The following PCDHA2 variants were observed in gnomAD, a reference collection of about 807,000 sequenced individuals.
The protein encoded by PCDHA2 is protocadherin alpha 2.
A neutral mutation model predicts 66.0 loss-of-function variants in PCDHA2; 58 were observed. That is an observed-to-expected ratio of 0.88 (90% confidence interval 0.71 to 1.09). PCDHA2 has a LOEUF of 1.09. Among genes scored for constraint, PCDHA2 ranks in the 50% least tolerant of loss-of-function variants. The probability of loss-of-function intolerance (pLI) is 0.00; values close to 1 mark genes in which losing one functional copy is unlikely to be tolerated. For missense variants in PCDHA2, 1,267 were observed against 1,242.3 expected (o/e 1.02, Z -0.30); for synonymous variants, 634 against 554.0 (o/e 1.14, Z -2.03).
At position 140,796,158 on chromosome 5, in the gene PCDHA2, G is replaced by C; in HGVS notation, c.1194G>C (p.Val398=). ...CGCCCCACGTCCCTTTCAAGCTGGTGTCCACCTTCAAGAATTACTACTCGT... is the reference window on the plus strand; with the variant it reads ...CGCCCCACGTCCCTTTCAAGCTGGTCTCCACCTTCAAGAATTACTACTCGT... The part of the protein sequence containing the change: ...SLTPHVPFKL[V]STFKNYYSLV... Residue 398 remains valine (V), a synonymous_variant, in exon 1 of 4, where the codon GTG becomes GTC. Coordinates refer to ENST00000526136, the MANE Select transcript of PCDHA2 (RefSeq NM_018905.3). 1 of 1,614,208 alleles carries C rather than the reference G, an allele frequency of 6.2e-7. No individual in the cohort carries two copies. The highest frequency in any genetic ancestry group is 8.5e-7 in the Non-Finnish European group (1 of 1,180,038).
intron 2 of PCDHA2, among the ~76,000 whole-genome samples, chr5:140,981,681 C>T (rs1187108666): frequency 6.6e-6 from 1 of 152,064 alleles, no homozygotes; most frequent in Non-Finnish European, 1.5e-5. Context: ...TTCCTTCCTC[C>T]CTTCCATCAT....
intron 1 of PCDHA2, among the ~76,000 whole-genome samples, chr5:140,937,626 A>G (rs2091639486): frequency 6.6e-6 from 1 of 150,782 alleles, no homozygotes; most frequent in Non-Finnish European, 1.5e-5. Context: ...AAAAAGAAAA[A>G]GAAAGGCAGG....
intron 1 of PCDHA2, among the ~76,000 whole-genome samples, chr5:140,944,191 G>A (rs181232402): frequency 6.6e-6 from 1 of 151,980 alleles, no homozygotes. Flanking sequence ...GGTTTGTTTT[G>A]TTTTGTTTTG....
At chr5:140,997,329 T>C (rs1030113015) in intron 3 of PCDHA2, among the ~76,000 whole-genome samples, 1 of 152,228 alleles carries the variant, frequency 6.6e-6, no homozygotes, top group African/African-American at 2.4e-5. Context: ...AGTTTTTTCG[T>C]TGTACAAATA....
chr5:140,799,310 T>A (rs1316655253), intron 1 of PCDHA2, among the ~76,000 whole-genome samples: 1 of 152,114 alleles, frequency 6.6e-6, no homozygotes, highest in African/African-American at 2.4e-5. Context: ...TTAGTATAAC[T>A]CTTAAAGGTA....
chr5:140,845,374 T>C (rs1368895191), intron 1 of PCDHA2, among the ~76,000 whole-genome samples: 1 of 149,664 alleles, frequency 6.7e-6, no homozygotes, highest in Non-Finnish European at 1.5e-5. Flanking sequence ...ATATCATAAA[T>C]AGGAGGATTC....
intron 1 of PCDHA2, among the ~76,000 whole-genome samples, chr5:140,924,441 G>A (rs144532137): frequency 1.3e-5 from 2 of 152,274 alleles, no homozygotes; most frequent in African/African-American, 4.8e-5. Context: ...AAGAGATAAC[G>A]AATGGGTTTG....
chr5:140,840,088 T>G (rs1346401195), intron 1 of PCDHA2, among the ~76,000 whole-genome samples: 2 of 152,012 alleles, frequency 1.3e-5, no homozygotes, highest in African/African-American at 2.4e-5. Context: ...ATAAACTTGT[T>G]GAAGATTTTA....
intron 1 of PCDHA2, chr5:140,834,444 C>G: frequency 6.2e-7 from 1 of 1,614,020 alleles, no homozygotes; most frequent in Non-Finnish European, 8.5e-7. Flanking sequence ...TATTATAATT[C>G]TAGCAGCTTG....
At chr5:140,893,548 C>T (rs2064047739) in intron 1 of PCDHA2, among the ~76,000 whole-genome samples, 1 of 152,126 alleles carries the variant, frequency 6.6e-6, no homozygotes, top group Non-Finnish European at 1.5e-5. Flanking sequence ...TAGGACTTAT[C>T]TAGTTGTAGT....
intron 1 of PCDHA2, among the ~76,000 whole-genome samples, chr5:140,912,343 ATTT>A (rs35252606): frequency 2.8e-5 from 4 of 143,838 alleles, no homozygotes; most frequent in African/African-American, 5.1e-5. Context: ...TACACTAAGT[ATTT>A]TTTTTTTTTT....
chr5:140,858,632 C>CT, intron 1 of PCDHA2: 1 of 1,018,812 alleles, frequency 9.8e-7, no homozygotes, highest in Non-Finnish European at 1.4e-6. Context: ...GTGTGTCAGC[C>CT]TTTGATTGGT....
intron 1 of PCDHA2, chr5:140,863,197 C>A: frequency 1.1e-6 from 1 of 888,970 alleles, no homozygotes; most frequent in Non-Finnish European, 1.8e-6. Flanking sequence ...GGTGGCGTCG[C>A]TGGCGGAGAG....
intron 1 of PCDHA2, chr5:140,841,822 GTTAACCTAC>G: frequency 6.2e-7 from 1 of 1,613,942 alleles, no homozygotes; most frequent in Non-Finnish European, 8.5e-7. Context: ...CTAACTCCGT[GTTAACCTAC>G]AGGCTTAGCT....
At chr5:140,927,994 G>C in intron 1 of PCDHA2, 1 of 1,614,180 alleles carries the variant, frequency 6.2e-7, no homozygotes, top group Non-Finnish European at 8.5e-7. Flanking sequence ...AAAGGATGAA[G>C]ACCTCGATTC....
At chr5:140,855,178 G>C (rs1170062889) in intron 1 of PCDHA2, among the ~76,000 whole-genome samples, 2 of 149,594 alleles carry the variant, frequency 1.3e-5, no homozygotes, top group African/African-American at 4.9e-5. Flanking sequence ...AAACAAATGT[G>C]GCCAAATTGA....
chr5:140,851,337 C>G, intron 1 of PCDHA2: 5 of 979,030 alleles, frequency 5.1e-6, no homozygotes, highest in Non-Finnish European at 6.2e-6. Flanking sequence ...TAGTTCTCTA[C>G]ATTTCTCTGG....
At chr5:140,937,568 G>T (rs1342447969) in intron 1 of PCDHA2, among the ~76,000 whole-genome samples, 1 of 151,920 alleles carries the variant, frequency 6.6e-6, no homozygotes, top group East Asian at 1.9e-4. Context: ...AGTGAGCTGG[G>T]ATCGCGTCAC....
At chr5:141,002,097 G>A (rs782083569) in intron 3 of PCDHA2, among the ~76,000 whole-genome samples, 3 of 152,230 alleles carry the variant, frequency 2.0e-5, no homozygotes, top group Non-Finnish European at 4.4e-5. Flanking sequence ...TCCAGGGGCT[G>A]GGCCGGAAAC....
Sources: allele counts gnomAD v4.1 joint callset (sites outside exome capture counted in the v4.1 genomes callset), GRCh38; gene constraint gnomAD v4.1.1; transcripts MANE v1.5; gene names NCBI Gene and HGNC (gene_info 2026-07-23, HGNC 2026-07-21).